The following MTM1 variants were observed in gnomAD, a reference collection of about 807,000 sequenced individuals.
MTM1 encodes myotubularin 1.
MTM1 carries 9 observed loss-of-function variants against 52.1 expected under a neutral mutation model. The observed-to-expected ratio is 0.17, with a 90% CI of 0.10 to 0.30. The LOEUF (loss-of-function observed/expected upper bound fraction) is 0.30, where lower values mean the gene tolerates loss of function less well. Ranked by LOEUF, MTM1 falls within the 10% of genes least tolerant of loss-of-function variation. The pLI, the probability that MTM1 is intolerant of heterozygous loss-of-function variation, is 1.00. For synonymous variants in MTM1, 136 were observed against 163.8 expected (o/e 0.83, Z 1.29); for missense variants, 277 against 470.7 (o/e 0.59, Z 3.81).
rs2039867898 is a variant in MTM1 at position 150,642,656 on chromosome X, G to GCTGT, written c.678+1245_678+1248dup. 2.7e-5 allele frequency among the ~76,000 whole-genome samples: 3 copies of GCTGT among 111,776 alleles called. No homozygotes were observed. In the South Asian group the frequency reaches 1.1e-3, roughly 42 times the overall value. The stretch of plus-strand genomic sequence containing the variant: ...ACAGACTACACCCCTACCCTGGCTG[G>GCTGT]CTGTCTGTCTTGCTAATGCATGCCT... On this transcript the variant is annotated intron_variant, in intron 8 of 14. Coordinates refer to ENST00000370396, the MANE Select transcript of MTM1 (RefSeq NM_000252.3).
At chrX:150,654,895 TTAAAAACCAACCCAAAATTACATAATA>T (rs1437042838) in intron 10 of MTM1, among the ~76,000 whole-genome samples, 1 of 112,199 alleles carries the variant, frequency 8.9e-6, no homozygotes, top group African/African-American at 3.2e-5. Context: ...AAGAAATCTT[TTAAAAACCAACCCAAAATTACATAATA>T]TATACAAATT....
intron 6 of MTM1, among the ~76,000 whole-genome samples, chrX:150,628,147 T>G (rs2039602167): frequency 9.0e-6 from 1 of 111,598 alleles, no homozygotes; most frequent in Non-Finnish European, 1.9e-5. Flanking sequence ...CAAGAGGCCA[T>G]GAAAACCAGT....
chrX:150,630,843 T>G (rs222386), intron 6 of MTM1, among the ~76,000 whole-genome samples: 14,894 of 111,471 alleles, frequency 0.13, 1,930 homozygotes, highest in African/African-American at 0.4. Context: ...TATGGCTTAT[T>G]ACAGCACAAG....
chrX:150,670,721 C>T lies in MTM1; in HGVS notation c.1645-707C>T, dbSNP rs192596348. 2.7e-5 allele frequency among the ~76,000 whole-genome samples: 3 copies of T among 111,699 alleles called. No homozygotes were observed. In the East Asian group the frequency reaches 8.4e-4, roughly 31 times the overall value. On this transcript the variant is annotated intron_variant, in intron 14 of 14. Transcript: ENST00000370396. ...GTGAGGTTGAAAAGACCATATTCTA[C>T]TTCTCAGCAGTTCCACCCCTAGGAA... is the stretch of plus-strand genomic sequence containing the variant.
chrX:150,587,128 C>G (rs1301938115), intron 1 of MTM1, among the ~76,000 whole-genome samples: 1 of 110,241 alleles, frequency 9.1e-6, no homozygotes, highest in Non-Finnish European at 1.9e-5. Context: ...ATACAGAATC[C>G]CTTCCTTTTT....
rs782519186 is a variant in MTM1 at position 150,649,655 on chromosome X, T to C, written c.868-61T>C. On this transcript the variant is annotated intron_variant, in intron 9 of 14. Coordinates refer to ENST00000370396, the MANE Select transcript of MTM1 (RefSeq NM_000252.3). ...GAGGACAAATAACTAGAAATATTTGTGTAAGTTTCTGATGAAATAGAAAAC... is the reference window on the plus strand; with the variant it reads ...GAGGACAAATAACTAGAAATATTTGCGTAAGTTTCTGATGAAATAGAAAAC... The C allele has an allele frequency of 2.9e-6, 3 of 1,017,819 alleles. No individual in the cohort carries two copies. The Admixed American group carries it at 6.6e-5, about 22-fold the overall frequency. The allele number at this position is 1,017,819 out of a possible 1,213,427, so 83.9% of individuals were successfully genotyped here. A position where few individuals can be genotyped will look rare whatever the true frequency, so the allele number is the denominator to read the frequency against.
chrX:150,658,304 C>T (rs1457887477), intron 11 of MTM1, among the ~76,000 whole-genome samples: 4 of 112,044 alleles, frequency 3.6e-5, no homozygotes, highest in Admixed American at 1.9e-4. Flanking sequence ...ACAGACAATT[C>T]TTTCTCAAAT....
rs782055990 is a variant in MTM1, at chrX:150,623,615, G to A, written c.444+4476G>A. ...CTCTTTTCAAGGCAAGAGAGAGAAG[G>A]GATCTTTTCTTGAGCAGGATCCTGA... On this transcript the variant is annotated intron_variant, in intron 6 of 14. Coordinates refer to ENST00000370396, the MANE Select transcript of MTM1 (RefSeq NM_000252.3). 3.6e-5 allele frequency among the ~76,000 whole-genome samples: 4 copies of A among 110,788 alleles called. No homozygotes were observed. The South Asian group carries it at 1.6e-3, about 44-fold the overall frequency.
Position 150,619,149 on chromosome X carries a change from A to G in MTM1, c.444+10A>G, listed in dbSNP as rs782479470. On this transcript the variant is annotated intron_variant, in intron 6 of 14. Coordinates refer to ENST00000370396, the MANE Select transcript of MTM1 (RefSeq NM_000252.3). ...CCTGGCTCACAGTCTGGTAAATTCCAGTGCTCTCCTCAGCGTGGGAAGGTT... is the reference window on the plus strand; with the variant it reads ...CCTGGCTCACAGTCTGGTAAATTCCGGTGCTCTCCTCAGCGTGGGAAGGTT... 1.6e-5 allele frequency: 19 copies of G among 1,157,046 alleles called. No individual in the cohort carries two copies. Among genetic ancestry groups the G allele is most frequent in the Non-Finnish European group, 1.9e-5 (16 of 845,380 alleles).
At chrX:150,580,923 C>T (rs960776047) in intron 1 of MTM1, among the ~76,000 whole-genome samples, 31 of 111,946 alleles carry the variant, frequency 2.8e-4, no homozygotes, top group African/African-American at 9.7e-4. Context: ...GCCCAACATT[C>T]TCAACAATCA....
Position 150,672,351 on chromosome X carries a change from A to G in MTM1, c.*756A>G, listed in dbSNP as rs1396386567. 1 of 111,799 alleles carries G rather than the reference A, an allele frequency of 8.9e-6. No homozygotes were observed. The highest frequency in any genetic ancestry group is 1.9e-5 in the Non-Finnish European group (1 of 53,234). 9.2% of individuals were successfully genotyped at this position (111,799 alleles called of 1,213,427 possible). A position where few individuals can be genotyped will look rare whatever the true frequency, so the allele number is the denominator to read the frequency against. Reference sequence around the variant, plus strand: ...TCGGAATGGTTTTCGGGTTGTGGCAAACCCCAAAGAGAGCACTGTCCAAGG... The same window carrying G: ...TCGGAATGGTTTTCGGGTTGTGGCAGACCCCAAAGAGAGCACTGTCCAAGG... On this transcript the variant is annotated 3_prime_UTR_variant, in exon 15 of 15. Coordinates refer to ENST00000370396, the MANE Select transcript of MTM1 (RefSeq NM_000252.3).
At chrX:150,583,952 A>C (rs1263792515) in intron 1 of MTM1, among the ~76,000 whole-genome samples, 1 of 76,410 alleles carries the variant, frequency 1.3e-5, no homozygotes, top group Admixed American at 2.1e-4. Flanking sequence ...TATATTAAAT[A>C]TATGTTAAAT....
At chrX:150,645,494 T>C (rs2039914597) in intron 8 of MTM1, among the ~76,000 whole-genome samples, 189 bp from the exon 9 acceptor site, 1 of 112,677 alleles carries the variant, frequency 8.9e-6, no homozygotes, top group African/African-American at 3.2e-5. Context: ...TACTTGTTTC[T>C]GAGTTATATT....
intron 3 of MTM1, chrX:150,597,061 G>T (rs868933798): frequency 8.1e-6 from 1 of 123,085 alleles, no homozygotes. Context: ...CATGATAAAC[G>T]TATACTAAAA....
chrX:150,580,779 G>A (rs1297134049), intron 1 of MTM1, among the ~76,000 whole-genome samples: 2 of 111,210 alleles, frequency 1.8e-5, no homozygotes, highest in African/African-American at 6.5e-5. Flanking sequence ...GCCATCTTTG[G>A]GGATTCCCTT....
At chrX:150,620,651 A>T (rs1557413267) in intron 6 of MTM1, among the ~76,000 whole-genome samples, 2 of 111,809 alleles carry the variant, frequency 1.8e-5, no homozygotes, top group African/African-American at 6.5e-5. Flanking sequence ...AAATGTAAAT[A>T]TGTCTTCACT....
At chrX:150,625,093 G>T (rs781976594) in intron 6 of MTM1, among the ~76,000 whole-genome samples, 1 of 111,447 alleles carries the variant, frequency 9.0e-6, no homozygotes, top group Non-Finnish European at 1.9e-5. Context: ...CTGGTGTGTG[G>T]TAACAAGCAT....
intron 13 of MTM1, among the ~76,000 whole-genome samples, chrX:150,662,779 T>G (rs1180095065): frequency 7.8e-5 from 2 of 25,565 alleles, no homozygotes; most frequent in Non-Finnish European, 1.2e-4. Flanking sequence ...GCTTTGATGT[T>G]TTTTTTTTTT....
intron 4 of MTM1, among the ~76,000 whole-genome samples, chrX:150,613,486 TCTTC>T (rs1297260809): frequency 1.8e-5 from 2 of 112,175 alleles, no homozygotes; most frequent in East Asian, 5.6e-4. Flanking sequence ...CCATTGAACA[TCTTC>T]CTTCTGTTAA....
Sources: allele counts gnomAD v4.1 joint callset (sites outside exome capture counted in the v4.1 genomes callset), GRCh38; gene constraint gnomAD v4.1.1; transcripts MANE v1.5; gene names NCBI Gene and HGNC (gene_info 2026-07-23, HGNC 2026-07-21).